Variants in COQ10B observed in about 807,000 individuals in gnomAD.
COQ10B encodes the protein coenzyme Q-binding protein COQ10 homolog B, mitochondrial.
COQ10B carries 12 observed loss-of-function variants against 27.6 expected under a neutral mutation model. The ratio of observed to expected loss-of-function variants is 0.43; its 90% confidence interval spans 0.28 to 0.70. The LOEUF is 0.70. COQ10B is among the 30% of genes least tolerant of loss of function. COQ10B has a pLI of 0.17. For synonymous variants in COQ10B, 115 were observed against 103.0 expected, an observed-to-expected ratio of 1.12 and a Z score of -0.71; for missense variants, 278 against 288.7, an observed-to-expected ratio of 0.96 and a Z score of 0.27.
intron 3 of COQ10B, among the ~76,000 whole-genome samples, chr2:197,465,450 C>T (rs1175985600): frequency 4.6e-5 from 7 of 152,050 alleles, no homozygotes; most frequent in Admixed American, 1.3e-4. Context: ...CCACCACGCT[C>T]GGCTATTTTT....
rs139890973 is a variant in COQ10B, at chr2:197,453,612, C to T, written c.52C>T (p.Arg18Cys). 20 of 1,613,848 alleles carry T rather than the reference C, an allele frequency of 1.2e-5. No individual in the cohort carries two copies. In the East Asian group the frequency reaches 2.0e-4, roughly 16 times the overall value. ...TALRRVVSGC[R>C]PKSATAAGAQ... ...CTTGAGAAGGGTAGTCTCGGGATGC[C>T]GTCCGAAGTCGGCGACAGCGGCCGG... The change falls in exon 1 of 5, where the codon CGT becomes TGT. Residue 18 changes from arginine to cysteine, a missense_variant. Arg to Cys is a radical substitution (Grantham distance 180). Transcript: ENST00000263960.
At chr2:197,464,552 G>C (rs1248020918) in intron 3 of COQ10B, among the ~76,000 whole-genome samples, 1 of 152,056 alleles carries the variant, frequency 6.6e-6, no homozygotes, top group Non-Finnish European at 1.5e-5. Flanking sequence ...CTAGGATTTT[G>C]CTATTATTAC....
In COQ10B at chr2:197,457,361, G is replaced by A. The variant is rs1240705095; in HGVS notation, c.105-2571G>A. On this transcript the variant is annotated intron_variant, in intron 1 of 4. Transcript: ENST00000263960. ...TTCCTAGTGCAAATAAATGTTGAAT[G>A]TTTGAGATGATGGATGTGTTAATTA... Among the ~76,000 whole-genome samples the A allele has an allele frequency of 1.4e-4, 22 of 152,188 alleles. 1 individual carries two copies. Among genetic ancestry groups the A allele is most frequent in the Admixed American group, 1.4e-3 (22 of 15,272 alleles).
At chr2:197,473,505 T>C (rs181412219) in intron 4 of COQ10B, among the ~76,000 whole-genome samples, 84 of 141,372 alleles carry the variant, frequency 5.9e-4, no homozygotes, top group African/African-American at 1.8e-3. Flanking sequence ...CGTATATATA[T>C]ACGTATATAT....
rs1242543246 is a variant in COQ10B, at chr2:197,475,182, T to C, written c.*1258T>C. ...TATATTGTTTAAATGTGTATTTGCA[T>C]AGACATAGTAAAGTGTTACAGCATT... On this transcript the variant is annotated 3_prime_UTR_variant, in exon 5 of 5. Coordinates refer to ENST00000263960, the MANE Select transcript of COQ10B (RefSeq NM_025147.5). The C allele has an allele frequency of 6.6e-6, 1 of 152,366 alleles. No individual in the cohort carries two copies. Among genetic ancestry groups the C allele is most frequent in the Non-Finnish European group, 1.5e-5 (1 of 68,046 alleles). 9.4% of individuals were successfully genotyped at this position (152,366 alleles called of 1,614,324 possible).
At position 197,473,898 on chromosome 2, in the gene COQ10B, A is replaced by G; in HGVS notation, c.691A>G (p.Met231Val). 6.4e-7 allele frequency: 1 copy of G among 1,572,650 alleles called. No homozygotes were observed. Among genetic ancestry groups the G allele is most frequent in the South Asian group, 1.2e-5 (1 of 83,878 alleles). Residue 231 changes from methionine (M) to valine (V), a missense_variant, in exon 5 of 5, where the codon ATG becomes GTG. Met to Val is a conservative substitution (Grantham distance 21, BLOSUM62 1). This residue lies in a region of COQ10B where 83 missense variants were observed against 104.5 expected (regional missense o/e 0.79). Transcript: ENST00000263960. ...AGAAACAAATATACCTCGGGAGTTA[A>G]TGCTTCATGAAGTCCATCACACATA... ...GPETNIPREL[M>V]LHEVHHT
chr2:197,473,695 C>CAAAA, intron 4 of COQ10B, 62 bp from the exon 5 acceptor site: 3 of 945,342 alleles, frequency 3.2e-6, no homozygotes, highest in Middle Eastern at 3.8e-4. Context: ...CCAGGAAAAC[C>CAAAA]AAAAAAAAAA....
intron 2 of COQ10B, among the ~76,000 whole-genome samples, 185 bp downstream of exon 2, chr2:197,460,266 A>G (rs787990): frequency 0.44 from 65,269 of 149,644 alleles, 14,583 homozygotes; most frequent in South Asian, 0.56. Context: ...CAGTGGCGCA[A>G]TCTTGGCTCA....
At chr2:197,472,838 T>C (rs1287543424) in intron 4 of COQ10B, among the ~76,000 whole-genome samples, 1 of 151,126 alleles carries the variant, frequency 6.6e-6, no homozygotes, top group Admixed American at 6.6e-5. Context: ...TTAAACCACT[T>C]ACACCATCTG....
At chr2:197,465,095 C>T (rs543977353) in intron 3 of COQ10B, among the ~76,000 whole-genome samples, 7 of 152,008 alleles carry the variant, frequency 4.6e-5, no homozygotes, top group Non-Finnish European at 1.0e-4. Context: ...CCGTGTTAAC[C>T]AGGATGGTCT....
At chr2:197,457,645 G>A (rs2085713780) in intron 1 of COQ10B, among the ~76,000 whole-genome samples, 1 of 151,048 alleles carries the variant, frequency 6.6e-6, no homozygotes, top group Admixed American at 6.6e-5. Context: ...TTTGAGACGG[G>A]GAGTCTTGCT....
chr2:197,459,286 A>AT (rs1459065440), intron 1 of COQ10B, among the ~76,000 whole-genome samples: 2 of 152,126 alleles, frequency 1.3e-5, no homozygotes, highest in African/African-American at 2.4e-5. Flanking sequence ...GCTGCCTCAG[A>AT]TTCCTGAGTA....
intron 1 of COQ10B, among the ~76,000 whole-genome samples, chr2:197,456,441 C>T (rs1460422724): frequency 2.8e-5 from 4 of 144,094 alleles, no homozygotes; most frequent in Non-Finnish European, 3.0e-5. Context: ...TCCAGCCTGG[C>T]GGCAGAGCGA....
At chr2:197,458,189 C>T (rs1421163922) in intron 1 of COQ10B, among the ~76,000 whole-genome samples, 1 of 151,416 alleles carries the variant, frequency 6.6e-6, no homozygotes, top group Non-Finnish European at 1.5e-5. Context: ...CGATCCACTC[C>T]ATTTACATAT....
intron 1 of COQ10B, among the ~76,000 whole-genome samples, chr2:197,454,623 A>G (rs989343882): frequency 6.6e-6 from 1 of 152,124 alleles, no homozygotes; most frequent in African/African-American, 2.4e-5. Context: ...AACCTCAAAA[A>G]GTAGTTTCAA....
intron 3 of COQ10B, among the ~76,000 whole-genome samples, chr2:197,468,868 A>G (rs980063978): frequency 2.1e-4 from 31 of 150,356 alleles, no homozygotes; most frequent in African/African-American, 7.3e-4. Flanking sequence ...TGAGGTGGGA[A>G]AAAATAAAAA....
chr2:197,454,054 G>GC, intron 1 of COQ10B: 9 of 1,551,262 alleles, frequency 5.8e-6, no homozygotes, highest in Non-Finnish European at 7.8e-6. Context: ...TTGGCGGTGA[G>GC]CCCCCTTCTC....
chr2:197,472,562 G>A (rs996930806), intron 4 of COQ10B, among the ~76,000 whole-genome samples: 3 of 152,132 alleles, frequency 2.0e-5, no homozygotes, highest in Non-Finnish European at 2.9e-5. Flanking sequence ...CCAACACTTC[G>A]CAAGGCCTAG....
intron 4 of COQ10B, among the ~76,000 whole-genome samples, chr2:197,470,898 CAAATAA>C (rs1270243762): frequency 2.6e-5 from 4 of 151,908 alleles, no homozygotes; most frequent in Non-Finnish European, 5.9e-5. Flanking sequence ...TGTCTCAAAA[CAAATAA>C]AAATAAAAAT....
Sources: gnomAD v4.1 joint callset for allele counts (sites outside exome capture counted in the v4.1 genomes callset) on GRCh38, gnomAD v4.1.1 for gene constraint, gnomAD v4.1.1 regional missense constraint, MANE v1.5 for transcripts, NCBI Gene and HGNC (gene_info 2026-07-23, HGNC 2026-07-21) for gene names.